AGPAT3: variants seen among roughly 807,000 people sequenced by gnomAD.
AGPAT3 encodes 1-acylglycerol-3-phosphate O-acyltransferase 3, also known as 1-acyl-sn-glycerol-3-phosphate acyltransferase gamma.
AGPAT3 carries 5 observed loss-of-function variants against 47.3 expected under a neutral mutation model. The ratio of observed to expected loss-of-function variants is 0.11; its 90% confidence interval spans 0.06 to 0.22. The LOEUF is 0.22. AGPAT3 is among the 10% of genes least tolerant of loss of function. AGPAT3 has a pLI of 1.00. For missense variants in AGPAT3, 315 were observed against 493.0 expected, an observed-to-expected ratio of 0.64 and a Z score of 3.42; for synonymous variants, 212 against 208.3, an observed-to-expected ratio of 1.02 and a Z score of -0.15.
At chr21:43,865,549 C>T (rs966800129) in intron 1 of AGPAT3, among the ~76,000 whole-genome samples, 1 of 148,978 alleles carries the variant, frequency 6.7e-6, no homozygotes, top group South Asian at 2.1e-4. Flanking sequence ...GGGAGGAGGT[C>T]TGGGCCCGGG....
At chr21:43,929,629 G>A (rs1218230338) in intron 2 of AGPAT3, among the ~76,000 whole-genome samples, 3 of 152,364 alleles carry the variant, frequency 2.0e-5, no homozygotes, top group East Asian at 1.9e-4. Context: ...AACCGGACAC[G>A]GCCTGCCAGA....
intron 2 of AGPAT3, among the ~76,000 whole-genome samples, chr21:43,944,379 A>AGGGAAGGT: frequency 6.6e-6 from 1 of 152,164 alleles, no homozygotes; most frequent in African/African-American, 2.4e-5. Context: ...AGAGAGAGAG[A>AGGGAAGGT]GGGAAGGTAA....
Position 43,955,062 on chromosome 21 carries a change from A to G in AGPAT3, c.-48-4572A>G. On this transcript the variant is annotated intron_variant, in intron 2 of 9. Coordinates refer to ENST00000291572, the MANE Select transcript of AGPAT3 (RefSeq NM_020132.5). This position sits in a 1 kb window ranked among gnomAD's most constrained non-coding sequence, Gnocchi z 4.1. ...TCACGGCTCTATCTGTGGCCCCCAA[A>G]GGCTGGGTGCCAGCTGCCTGTCGGC... The G allele has an allele frequency of 8.1e-7, 1 of 1,234,388 alleles. No individual in the cohort carries two copies. Among genetic ancestry groups the G allele is most frequent in the African/African-American group, 1.6e-5 (1 of 64,278 alleles). 76.5% of individuals were successfully genotyped at this position (1,234,388 alleles called of 1,614,324 possible).
chr21:43,907,014 CTGTT>C (rs1418231691), intron 2 of AGPAT3, among the ~76,000 whole-genome samples: 1 of 148,920 alleles, frequency 6.7e-6, no homozygotes, highest in African/African-American at 2.5e-5. Context: ...TGGCGAGGGT[CTGTT>C]TCTTTTCTTT....
intron 1 of AGPAT3, among the ~76,000 whole-genome samples, chr21:43,868,701 C>T (rs367918062): frequency 2.0e-5 from 3 of 152,206 alleles, no homozygotes; most frequent in African/African-American, 4.8e-5. Flanking sequence ...GCTGCAGCCA[C>T]GCTGGCTCTT....
intron 2 of AGPAT3, among the ~76,000 whole-genome samples, chr21:43,956,214 A>G (rs571038399): frequency 2.0e-5 from 3 of 152,170 alleles, no homozygotes; most frequent in Non-Finnish European, 4.4e-5. Flanking sequence ...AGGCGTTCTG[A>G]AACAGCAAGC....
chr21:43,904,657 G>A (rs2086445038), intron 2 of AGPAT3, among the ~76,000 whole-genome samples: 1 of 152,162 alleles, frequency 6.6e-6, no homozygotes, highest in South Asian at 2.1e-4. Context: ...CAGGGTTGGG[G>A]CAGCTCCTCC....
chr21:43,906,776 A>G (rs1170576379), intron 2 of AGPAT3, among the ~76,000 whole-genome samples: 12 of 152,208 alleles, frequency 7.9e-5, no homozygotes, highest in Non-Finnish European at 1.5e-4. Context: ...GGGTGAACAC[A>G]CTGCCGGCTA....
At chr21:43,883,104 C>T (rs1222677796) in intron 1 of AGPAT3, among the ~76,000 whole-genome samples, 4 of 152,242 alleles carry the variant, frequency 2.6e-5, no homozygotes, top group Non-Finnish European at 1.5e-5. Flanking sequence ...AGCTGTGATA[C>T]ACACAGAGTT....
rs2146998420 is a variant in AGPAT3, at chr21:43,984,837, AG to A, written c.*2446del. 1 of 281,314 alleles carries A rather than the reference AG, an allele frequency of 3.6e-6. No individual in the cohort carries two copies. The highest frequency in any genetic ancestry group is 5.0e-5 in the Admixed American group (1 of 19,990). 17.4% of individuals were successfully genotyped at this position (281,314 alleles called of 1,614,324 possible). ...TACACCCTACTTCTGAGCTTAATTC[AG>A]TTGATGTTATGTCCAAATTCAGGCT... On this transcript the variant is annotated 3_prime_UTR_variant, in exon 10 of 10. Transcript: ENST00000291572.
intron 2 of AGPAT3, among the ~76,000 whole-genome samples, chr21:43,924,040 G>A (rs1396176888): frequency 1.3e-5 from 2 of 151,968 alleles, no homozygotes; most frequent in Non-Finnish European, 2.9e-5. Flanking sequence ...TTTTTGAGAC[G>A]GAGTCTCGCT....
At chr21:43,896,041 T>A (rs2086208839) in intron 1 of AGPAT3, among the ~76,000 whole-genome samples, 1 of 152,210 alleles carries the variant, frequency 6.6e-6, no homozygotes, top group Non-Finnish European at 1.5e-5. Flanking sequence ...GTGCCGAGAT[T>A]ACAGGCATGA....
In AGPAT3 at chr21:43,914,191, C is replaced by T. The variant is rs543117757; in HGVS notation, c.-49+10172C>T. On this transcript the variant is annotated intron_variant, in intron 2 of 9. Transcript: ENST00000291572. ...TCATGAAGAAGGCTGTTGGAACCCC[C>T]CTGCCTGCGAGGCCTGGGGCCCCCT... 2.0e-4 allele frequency among the ~76,000 whole-genome samples: 30 copies of T among 152,310 alleles called. 1 individual carries two copies. Among genetic ancestry groups the T allele is most frequent in the Admixed American group, 2.0e-3 (30 of 15,304 alleles).
At chr21:43,868,944 G>C (rs1362060494) in intron 1 of AGPAT3, among the ~76,000 whole-genome samples, 3 of 152,172 alleles carry the variant, frequency 2.0e-5, no homozygotes, top group African/African-American at 7.2e-5. Context: ...AGAATCCAAA[G>C]CTGTTATTCT....
intron 2 of AGPAT3, among the ~76,000 whole-genome samples, chr21:43,906,079 G>A (rs181624371): frequency 5.9e-5 from 9 of 152,300 alleles, no homozygotes; most frequent in Admixed American, 5.2e-4. Context: ...CTGGGGACAG[G>A]GACATCACGG....
rs2089764825 is a variant in AGPAT3, at chr21:43,979,506, A to T, written c.843+1385A>T. 2.0e-5 allele frequency among the ~76,000 whole-genome samples: 3 copies of T among 152,200 alleles called. No homozygotes were observed. In the South Asian group the frequency reaches 6.2e-4, roughly 32 times the overall value. On this transcript the variant is annotated intron_variant, in intron 8 of 9. Coordinates refer to ENST00000291572, the MANE Select transcript of AGPAT3 (RefSeq NM_020132.5). ...AAACAGAAGATAAAGATTTCCCCTC[A>T]TTCAAGGCGGGACGTTAGAACCAAA...
chr21:43,943,760 G>A (rs1248011591), intron 2 of AGPAT3, among the ~76,000 whole-genome samples: 1 of 152,230 alleles, frequency 6.6e-6, no homozygotes, highest in Non-Finnish European at 1.5e-5. Flanking sequence ...GCCGCGTGCT[G>A]TTGGTGTAGG....
chr21:43,913,203 T>A (rs1280889134), intron 2 of AGPAT3, among the ~76,000 whole-genome samples: 1 of 152,230 alleles, frequency 6.6e-6, no homozygotes, highest in African/African-American at 2.4e-5. Context: ...GACTTTTTAA[T>A]GTGCTGTTAG....
At chr21:43,979,331 G>GAAAGAAAAAAAAAA (rs2089755961) in intron 8 of AGPAT3, among the ~76,000 whole-genome samples, 1 of 130,356 alleles carries the variant, frequency 7.7e-6, no homozygotes, top group African/African-American at 2.9e-5. Flanking sequence ...GAAAAAAAAA[G>GAAAGAAAAAAAAAA]AAAGAAAAAA....
Sources: gnomAD v4.1 joint callset for allele counts (sites outside exome capture counted in the v4.1 genomes callset) on GRCh38, gnomAD v4.1.1 for gene constraint, Gnocchi (gnomAD v3.1) non-coding constraint, MANE v1.5 for transcripts, NCBI Gene and HGNC (gene_info 2026-07-23, HGNC 2026-07-21) for gene names.